TOGARAM2: variants seen among roughly 807,000 people sequenced by gnomAD.
The protein encoded by TOGARAM2 is TOG array regulator of axonemal microtubules 2, also known as TOG array regulator of axonemal microtubules protein 2.
Under a neutral mutation model 93.3 loss-of-function variants are expected in TOGARAM2, and 85 were observed. That is an observed-to-expected ratio of 0.91 (90% CI 0.76 to 1.09). The LOEUF is 1.09. Among genes scored for constraint, TOGARAM2 ranks in the 50% least tolerant of loss-of-function variants. TOGARAM2 has a pLI of 0.00. For synonymous variants in TOGARAM2, 593 were observed against 552.8 expected (o/e 1.07, Z -1.02); for missense variants, 1,277 against 1,334.5 (o/e 0.96, Z 0.67).
chr2:28,982,232 A>G (rs1375263588), intron 1 of TOGARAM2, among the ~76,000 whole-genome samples: 1 of 152,126 alleles, frequency 6.6e-6, no homozygotes, highest in Non-Finnish European at 1.5e-5. Context: ...GGAGATTGGC[A>G]TGTTCCTTTC....
At chr2:29,006,067 A>G (rs200290606) in intron 6 of TOGARAM2, among the ~76,000 whole-genome samples, 9 of 66,850 alleles carry the variant, frequency 1.3e-4, no homozygotes, top group East Asian at 5.0e-4. Flanking sequence ...GTGTATGTGT[A>G]TGTGTGAGAG....
chr2:29,022,710 A>G (rs1665038379), intron 11 of TOGARAM2, among the ~76,000 whole-genome samples: 1 of 152,218 alleles, frequency 6.6e-6, no homozygotes. Flanking sequence ...AGTCATGAGC[A>G]AAGCAATGCC....
At chr2:29,016,775 C>A (rs567044351) in intron 8 of TOGARAM2, among the ~76,000 whole-genome samples, 2 of 152,314 alleles carry the variant, frequency 1.3e-5, no homozygotes, top group South Asian at 2.1e-4. Context: ...GCCAAGCACA[C>A]CCGGCCTCAG....
In TOGARAM2 at chr2:29,051,882, G is replaced by C; in HGVS notation, c.2849G>C (p.Arg950Pro). 2 of 1,575,478 alleles carry C rather than the reference G, an allele frequency of 1.3e-6. No homozygotes were observed. The highest frequency in any genetic ancestry group is 1.7e-6 in the Non-Finnish European group (2 of 1,160,708). Residue 950 changes from arginine to proline, a missense_variant, in exon 20 of 20, where the codon CGC (arginine) becomes CCC (proline). By Grantham distance (103) the Arg-to-Pro change is moderately radical. Transcript: ENST00000379558. ...CTGCCTGGACCCAGCGGGAACATCC[G>C]CGGGGTGGTGTGCCGGCTGTCCAGG... The part of the protein sequence containing the change: ...GTLPGPSGNI[R>P]GVVCRLSRSL...
chr2:29,020,655 G>A (rs901309686), intron 10 of TOGARAM2, among the ~76,000 whole-genome samples: 11 of 152,186 alleles, frequency 7.2e-5, no homozygotes, highest in Admixed American at 2.0e-4. Flanking sequence ...TGTGGGGTGC[G>A]GTGAAGGCGA....
intron 6 of TOGARAM2, among the ~76,000 whole-genome samples, chr2:29,010,746 C>G (rs1437350728): frequency 1.3e-5 from 2 of 151,960 alleles, no homozygotes; most frequent in Non-Finnish European, 2.9e-5. Flanking sequence ...AGTGTCATGT[C>G]TTATTGATGC....
intron 18 of TOGARAM2, among the ~76,000 whole-genome samples, chr2:29,037,160 G>A (rs1666163310): frequency 6.6e-6 from 1 of 152,008 alleles, no homozygotes; most frequent in Admixed American, 6.5e-5. Flanking sequence ...AAGGATAGAA[G>A]AAAAAACGGT....
chr2:29,024,081 C>A, intron 12 of TOGARAM2, 58 bp from the exon 13 acceptor site: 5 of 1,429,018 alleles, frequency 3.5e-6, no homozygotes, highest in Non-Finnish European at 1.9e-6. Flanking sequence ...ATTTTCCATG[C>A]GTCCCAGAGC....
intron 19 of TOGARAM2, chr2:29,047,821 ACT>A (rs1421820616): frequency 2.0e-5 from 3 of 151,606 alleles, no homozygotes; most frequent in Non-Finnish European, 4.4e-5. Flanking sequence ...AACACGCCTC[ACT>A]CTGTGGAAGA....
chr2:29,010,968 C>T (rs72788127), intron 6 of TOGARAM2, among the ~76,000 whole-genome samples: 11,440 of 152,116 alleles, frequency 0.075, 506 homozygotes, highest in African/African-American at 0.12. Flanking sequence ...ATCAGCTCCG[C>T]CCCCCAGGCC....
intron 2 of TOGARAM2, 71 bp downstream of exon 2, chr2:28,994,933 G>A: frequency 6.5e-7 from 1 of 1,532,014 alleles, no homozygotes; most frequent in Non-Finnish European, 8.8e-7. Context: ...ACACTCCCAA[G>A]GGCCAGAAAA....
At chr2:29,043,866 G>T (rs1174263349) in intron 18 of TOGARAM2, among the ~76,000 whole-genome samples, 1 of 152,178 alleles carries the variant, frequency 6.6e-6, no homozygotes, top group Non-Finnish European at 1.5e-5. Context: ...TTAATAGTTT[G>T]AGAAACCAGG....
At chr2:29,035,724 ACT>A (rs1666068516) in intron 17 of TOGARAM2, 68 bp downstream of exon 17, 1 of 1,281,618 alleles carries the variant, frequency 7.8e-7, no homozygotes, top group South Asian at 2.7e-5. Flanking sequence ...AAGTTTGAAA[ACT>A]CTGAATGGCG....
At chr2:28,970,107 G>A (rs191403817) in intron 1 of TOGARAM2, among the ~76,000 whole-genome samples, 8 of 152,258 alleles carry the variant, frequency 5.3e-5, no homozygotes, top group East Asian at 3.9e-4. Context: ...CACCGTGCCC[G>A]ACATCGGTTG....
intron 5 of TOGARAM2, 28 bp from the exon 6 acceptor site, chr2:29,003,464 C>T: frequency 6.9e-7 from 1 of 1,455,272 alleles, no homozygotes; most frequent in Non-Finnish European, 9.1e-7. Flanking sequence ...TGCCATAGGC[C>T]AGACCCCTGT....
chr2:29,007,796 G>T (rs147282442), intron 6 of TOGARAM2, among the ~76,000 whole-genome samples: 176 of 152,076 alleles, frequency 1.2e-3, no homozygotes, highest in Non-Finnish European at 2.0e-3. Flanking sequence ...CTGTCCCCCA[G>T]TGCTTGTTCT....
chr2:28,996,206 A>G (rs1672981200), intron 2 of TOGARAM2, among the ~76,000 whole-genome samples: 1 of 152,186 alleles, frequency 6.6e-6, no homozygotes, highest in African/African-American at 2.4e-5. Flanking sequence ...AAATTAGGGT[A>G]ATTGGGATTT....
chr2:29,032,491 C>T (rs1665827214), intron 14 of TOGARAM2, among the ~76,000 whole-genome samples: 1 of 152,198 alleles, frequency 6.6e-6, no homozygotes, highest in African/African-American at 2.4e-5. Context: ...TCCCGCTTTA[C>T]CCTTTCTGGG....
chr2:28,966,267 A>G (rs1208886110), intron 1 of TOGARAM2, among the ~76,000 whole-genome samples: 1 of 151,990 alleles, frequency 6.6e-6, no homozygotes, highest in East Asian at 1.9e-4. Context: ...CCAGGATTAC[A>G]GGCGTGAGCT....
Sources: allele counts gnomAD v4.1 joint callset (sites outside exome capture counted in the v4.1 genomes callset), GRCh38; gene constraint gnomAD v4.1.1; transcripts MANE v1.5; gene names NCBI Gene and HGNC (gene_info 2026-07-23, HGNC 2026-07-21).